Variants in ST6GALNAC3 observed in about 807,000 individuals in gnomAD.
The protein encoded by ST6GALNAC3 is ST6 N-acetylgalactosaminide alpha-2,6-sialyltransferase 3.
Under a neutral mutation model 32.7 loss-of-function variants are expected in ST6GALNAC3, and 25 were observed. The observed-to-expected ratio is 0.76, with a 90% CI of 0.56 to 1.07. The LOEUF (loss-of-function observed/expected upper bound fraction) is 1.07. Among genes scored for constraint, ST6GALNAC3 ranks in the 50% least tolerant of loss-of-function variants. The probability of loss-of-function intolerance (pLI) is 0.00; values close to 1 mark genes in which losing one functional copy is unlikely to be tolerated. For missense variants in ST6GALNAC3, 355 were observed against 382.4 expected (o/e 0.93, Z 0.60); for synonymous variants, 129 against 133.1 (o/e 0.97, Z 0.21).
chr1:76,342,739 G>T (rs1557805104), intron 2 of ST6GALNAC3, among the ~76,000 whole-genome samples: 1 of 151,060 alleles, frequency 6.6e-6, no homozygotes, highest in African/African-American at 2.4e-5. Context: ...ACTAATATCT[G>T]TTTTTTTTAA....
At chr1:76,571,472 A>G (rs1419451927) in intron 3 of ST6GALNAC3, among the ~76,000 whole-genome samples, 1 of 152,102 alleles carries the variant, frequency 6.6e-6, no homozygotes, top group Non-Finnish European at 1.5e-5. Flanking sequence ...CACAGACTGT[A>G]GGAAACAGAT....
intron 1 of ST6GALNAC3, among the ~76,000 whole-genome samples, chr1:76,145,789 C>T (rs973130211): frequency 1.3e-5 from 2 of 152,122 alleles, no homozygotes; most frequent in South Asian, 2.1e-4. Context: ...AAATTTAACA[C>T]GGATAAGTCA....
intron 3 of ST6GALNAC3, among the ~76,000 whole-genome samples, chr1:76,496,275 G>A (rs10873889): frequency 0.58 from 88,536 of 152,028 alleles, 30,459 homozygotes; most frequent in East Asian, 0.87. Context: ...GTAGCTGCTT[G>A]TTAGTTATCA....
chr1:76,174,595 C>T (rs1652730060), intron 1 of ST6GALNAC3, among the ~76,000 whole-genome samples: 1 of 151,470 alleles, frequency 6.6e-6, no homozygotes, highest in African/African-American at 2.4e-5. Context: ...TTTTCTTTTA[C>T]TTAGCTCAGA....
chr1:76,558,805 A>G (rs1665076795), intron 3 of ST6GALNAC3, among the ~76,000 whole-genome samples: 1 of 152,190 alleles, frequency 6.6e-6, no homozygotes, highest in Non-Finnish European at 1.5e-5. Flanking sequence ...TATCTATGCC[A>G]ATGTTTTGAA....
Position 76,628,668 on chromosome 1 carries a change from A to C in ST6GALNAC3, c.780A>C (p.Arg260Ser), listed in dbSNP as rs1039247212. ...KVPYHYYEQGRDECDEYFLHE... is the reference protein window; with the variant it reads ...KVPYHYYEQGSDECDEYFLHE... ...CCTACCATTATTATGAACAAGGAAG[A>C]GATGAGTGTGATGAATATTTTCTTC... The change falls in exon 5 of 5, where the codon AGA becomes AGC. Residue 260 changes from arginine (R) to serine (S), a missense_variant. Arg to Ser is a moderately radical substitution (Grantham distance 110). Coordinates refer to ENST00000328299, the MANE Select transcript of ST6GALNAC3 (RefSeq NM_152996.4). The C allele has an allele frequency of 1.2e-6, 2 of 1,611,944 alleles. No homozygotes were observed. Among genetic ancestry groups the C allele is most frequent in the Admixed American group, 1.7e-5 (1 of 59,866 alleles).
At chr1:76,430,898 T>C (rs1386126259) in intron 3 of ST6GALNAC3, among the ~76,000 whole-genome samples, 1 of 152,212 alleles carries the variant, frequency 6.6e-6, no homozygotes, top group East Asian at 1.9e-4. Context: ...GCTGATTTCA[T>C]ACTTACAAAG....
intron 3 of ST6GALNAC3, among the ~76,000 whole-genome samples, chr1:76,437,079 T>C (rs188843727): frequency 1.3e-5 from 2 of 152,228 alleles, no homozygotes; most frequent in African/African-American, 4.8e-5. Context: ...GTGTTGACAA[T>C]AGTAAGCGTG....
At chr1:76,605,069 T>G (rs959376282) in intron 3 of ST6GALNAC3, among the ~76,000 whole-genome samples, 12 of 152,182 alleles carry the variant, frequency 7.9e-5, no homozygotes, top group Non-Finnish European at 1.6e-4. Flanking sequence ...TGTTCTGTTA[T>G]TTTTCCTGTA....
intron 1 of ST6GALNAC3, among the ~76,000 whole-genome samples, chr1:76,130,259 C>T (rs1441992187): frequency 2.0e-5 from 3 of 152,172 alleles, no homozygotes; most frequent in East Asian, 3.9e-4. Flanking sequence ...ATGGCTAGAC[C>T]ACCACCCAGG....
chr1:76,411,952 CTTGT>C, intron 2 of ST6GALNAC3, 52 bp from the exon 3 acceptor site: 1 of 1,555,088 alleles, frequency 6.4e-7, no homozygotes, highest in African/African-American at 1.4e-5. Context: ...CCCATAGGAA[CTTGT>C]TTGACTAAGT....
chr1:76,087,705 T>C (rs946455050), intron 1 of ST6GALNAC3, among the ~76,000 whole-genome samples: 8 of 152,226 alleles, frequency 5.3e-5, no homozygotes, highest in African/African-American at 1.9e-4. Flanking sequence ...ATACTACTAG[T>C]AGAAGAGGGG....
In ST6GALNAC3 at chr1:76,466,694, G is replaced by A. The variant is rs922858843; in HGVS notation, c.623+54277G>A. ...GTTCACTGCAGAATTTTTTATACTA[G>A]TGAACAGTTAGAAACAACTACGTGC... On this transcript the variant is annotated intron_variant, in intron 3 of 4. Coordinates refer to ENST00000328299, the MANE Select transcript of ST6GALNAC3 (RefSeq NM_152996.4). Among the ~76,000 whole-genome samples, 25 of 152,020 alleles carry A rather than the reference G, an allele frequency of 1.6e-4. 1 individual carries two copies. The highest frequency in any genetic ancestry group is 1.5e-3 in the Admixed American group (23 of 15,232).
chr1:76,153,330 G>T (rs1033427168), intron 1 of ST6GALNAC3, among the ~76,000 whole-genome samples: 1 of 152,000 alleles, frequency 6.6e-6, no homozygotes, highest in African/African-American at 2.4e-5. Context: ...CCTTTTTGTT[G>T]CCAGAATAAC....
chr1:76,575,640 G>A (rs1014469521), intron 3 of ST6GALNAC3, among the ~76,000 whole-genome samples: 5 of 151,986 alleles, frequency 3.3e-5, no homozygotes, highest in African/African-American at 9.7e-5. Context: ...ACTTGGGTAA[G>A]GCACCCAATT....
At chr1:76,155,460 C>CT (rs1651341119) in intron 1 of ST6GALNAC3, among the ~76,000 whole-genome samples, 1 of 151,996 alleles carries the variant, frequency 6.6e-6, no homozygotes, top group Admixed American at 6.6e-5. Context: ...CCACTTTCTC[C>CT]TTTTTTTATT....
At chr1:76,621,608 A>G (rs1421660084) in intron 3 of ST6GALNAC3, among the ~76,000 whole-genome samples, 1 of 152,068 alleles carries the variant, frequency 6.6e-6, no homozygotes. Flanking sequence ...GGGACAGCTG[A>G]AATTGTTTCC....
At chr1:76,457,407 G>A (rs1251747761) in intron 3 of ST6GALNAC3, among the ~76,000 whole-genome samples, 3 of 151,932 alleles carry the variant, frequency 2.0e-5, no homozygotes, top group Admixed American at 6.6e-5. Context: ...TCAATCCTAA[G>A]CCAAAAGAAC....
At chr1:76,353,784 C>T (rs1649200980) in intron 2 of ST6GALNAC3, 1 of 152,532 alleles carries the variant, frequency 6.6e-6, no homozygotes, top group Non-Finnish European at 1.5e-5. Context: ...CTGGCCTTGG[C>T]CTTCTGCACT....
Sources: allele counts gnomAD v4.1 joint callset (sites outside exome capture counted in the v4.1 genomes callset), GRCh38; gene constraint gnomAD v4.1.1; transcripts MANE v1.5; gene names NCBI Gene and HGNC (gene_info 2026-07-23, HGNC 2026-07-21).